Variants in DAB1 observed in about 807,000 individuals in gnomAD.
DAB1 encodes the protein disabled homolog 1.
A neutral mutation model predicts 64.6 loss-of-function variants in DAB1; 15 were observed. The ratio of observed to expected loss-of-function variants is 0.23; its 90% CI spans 0.16 to 0.36. The LOEUF is 0.36. DAB1 is among the 10% of genes least tolerant of loss of function. The pLI is 1.00. For synonymous variants in DAB1, 235 were observed against 251.9 expected (o/e 0.93, Z 0.64); for missense variants, 596 against 706.7 (o/e 0.84, Z 1.78).
At chr1:58,223,080 A>C (rs1659261035) in intron 4 of DAB1, among the ~76,000 whole-genome samples, 1 of 152,146 alleles carries the variant, frequency 6.6e-6, no homozygotes, top group South Asian at 2.1e-4. Context: ...TGAGATTGTG[A>C]TCTCTCCAAA....
intron 4 of DAB1, among the ~76,000 whole-genome samples, chr1:58,204,423 T>G (rs899904500): frequency 6.6e-6 from 1 of 152,330 alleles, no homozygotes; most frequent in African/African-American, 2.4e-5. Flanking sequence ...CAGTCCCTAC[T>G]GTGTTATGGC....
At position 57,551,730 on chromosome 1, in the gene DAB1, G is replaced by A. The variant is rs371427463; in HGVS notation, n.625+97862C>T. Reference sequence around the variant, plus strand: ...CATCTCAACTTAGACTGGAGCCTCCGGGAGTTTGCATAAGTGGTGTGAATC... The same window carrying A: ...CATCTCAACTTAGACTGGAGCCTCCAGGAGTTTGCATAAGTGGTGTGAATC... On this transcript the variant is annotated intron_variant and non_coding_transcript_variant, in intron 7 of 20. Coordinates refer to the DAB1 transcript ENST00000485760. Among the ~76,000 whole-genome samples the A allele has an allele frequency of 2.3e-4, 35 of 152,224 alleles. No homozygotes were observed. In the East Asian group the frequency reaches 5.6e-3, roughly 24 times the overall value.
chr1:58,484,888 G>A (rs1645547668), intron 3 of DAB1, among the ~76,000 whole-genome samples: 1 of 152,086 alleles, frequency 6.6e-6, no homozygotes, highest in Non-Finnish European at 1.5e-5. Flanking sequence ...ATCAGTGGTT[G>A]CCAGGGGCTA....
intron 6 of DAB1, among the ~76,000 whole-genome samples, chr1:57,713,051 C>G (rs749739015): frequency 6.6e-6 from 1 of 152,162 alleles, no homozygotes. Flanking sequence ...GGCCTCTAAT[C>G]TGCATTTCAT....
At chr1:58,184,514 G>A (rs1057166424) in intron 4 of DAB1, among the ~76,000 whole-genome samples, 8 of 152,016 alleles carry the variant, frequency 5.3e-5, no homozygotes, top group South Asian at 2.1e-4. Context: ...AAAAGTAAAC[G>A]TCTCTGCTCT....
chr1:58,425,937 T>C (rs761348820), intron 3 of DAB1, among the ~76,000 whole-genome samples: 5 of 151,700 alleles, frequency 3.3e-5, no homozygotes, highest in African/African-American at 7.3e-5. Context: ...GTCTGGGTGG[T>C]GGAAGGTAGG....
At chr1:57,977,187 G>A (rs918343783) in intron 5 of DAB1, among the ~76,000 whole-genome samples, 3 of 152,018 alleles carry the variant, frequency 2.0e-5, no homozygotes, top group Non-Finnish European at 2.9e-5. Context: ...ATTCTCCTGG[G>A]GCAACAAACC....
chr1:58,268,981 T>C (rs1443809097), intron 4 of DAB1, among the ~76,000 whole-genome samples: 1 of 150,238 alleles, frequency 6.7e-6, no homozygotes, highest in African/African-American at 2.5e-5. Flanking sequence ...AAATGATTTT[T>C]TTTTCCTTGG....
intron 5 of DAB1, among the ~76,000 whole-genome samples, chr1:58,106,145 T>TTTTC (rs139743356): frequency 1.3e-3 from 193 of 151,760 alleles, no homozygotes; most frequent in Non-Finnish European, 2.4e-3. Context: ...TCTTTCTTTC[T>TTTTC]TTTCTTTCTT....
intron 3 of DAB1, among the ~76,000 whole-genome samples, chr1:58,363,350 G>A (rs186527073): frequency 6.6e-6 from 1 of 152,266 alleles, no homozygotes; most frequent in Admixed American, 6.5e-5. Flanking sequence ...ATGACCCACT[G>A]GCAGATTTTA....
At chr1:57,021,556 A>C (rs1488887102) in intron 11 of DAB1, among the ~76,000 whole-genome samples, 2 of 152,170 alleles carry the variant, frequency 1.3e-5, no homozygotes, top group African/African-American at 4.8e-5. Context: ...CATGTAAGAC[A>C]TTCCTTTGCT....
chr1:57,144,994 A>T (rs1658976582), intron 3 of DAB1, among the ~76,000 whole-genome samples: 1 of 152,196 alleles, frequency 6.6e-6, no homozygotes, highest in Admixed American at 6.5e-5. Flanking sequence ...ACAATTTGAT[A>T]ATTTTTTGCT....
chr1:57,025,996 A>T lies in DAB1; in HGVS notation c.771T>A (p.Asp257Glu). 2 of 1,588,560 alleles carry T rather than the reference A, an allele frequency of 1.3e-6. No individual in the cohort carries two copies. Among genetic ancestry groups the T allele is most frequent in the Non-Finnish European group, 1.7e-6 (2 of 1,169,616 alleles). ...ELFGDMSTPP[D>E]ITSPPTPATP... The stretch of plus-strand genomic sequence containing the variant: ...GCATACTTACGGGGGGAGAGGTTAT[A>T]TCAGGGGGTGTGGACATGTCCCCAA... The change falls in exon 10 of 15, where the codon GAT becomes GAA. Residue 257 changes from aspartate to glutamate, a missense_variant. Transcript: ENST00000371236.
At chr1:58,158,543 C>T (rs1655340250) in intron 4 of DAB1, among the ~76,000 whole-genome samples, 1 of 152,080 alleles carries the variant, frequency 6.6e-6, no homozygotes, top group African/African-American at 2.4e-5. Context: ...CATCCATCAC[C>T]AGGGGAAGAA....
intron 5 of DAB1, among the ~76,000 whole-genome samples, chr1:57,964,569 A>G (rs977882663): frequency 1.3e-5 from 2 of 152,220 alleles, no homozygotes; most frequent in Non-Finnish European, 2.9e-5. Flanking sequence ...AGTGTCTATA[A>G]TGTGAGGCAC....
chr1:58,302,052 TAGAG>T (rs1338124177), intron 4 of DAB1, among the ~76,000 whole-genome samples: 1 of 152,098 alleles, frequency 6.6e-6, no homozygotes, highest in Non-Finnish European at 1.5e-5. Context: ...AGCTTAATGA[TAGAG>T]AAATTGTGGG....
In DAB1 at chr1:58,326,246, T is replaced by C. The variant is rs541765816; in HGVS notation, n.309+17106A>G. Among the ~76,000 whole-genome samples the C allele has an allele frequency of 2.0e-5, 3 of 152,362 alleles. No individual in the cohort carries two copies. The South Asian group carries it at 6.2e-4, about 32-fold the overall frequency. The stretch of plus-strand genomic sequence containing the variant: ...TTAGGCAAGAACTTCAGATTCAAGA[T>C]GCTCTCTTTCAGATTGCGATTTTTA... On this transcript the variant is annotated intron_variant and non_coding_transcript_variant, in intron 4 of 20. Coordinates refer to the DAB1 transcript ENST00000485760.
At chr1:57,601,249 C>A (rs899717005) in intron 7 of DAB1, among the ~76,000 whole-genome samples, 2 of 152,238 alleles carry the variant, frequency 1.3e-5, no homozygotes, top group Middle Eastern at 3.4e-3. Context: ...AGCATTTACA[C>A]TTCTGAAATT....
intron 1 of DAB1, among the ~76,000 whole-genome samples, chr1:57,333,365 ATCC>A (rs1676833575): frequency 6.6e-6 from 1 of 152,246 alleles, no homozygotes; most frequent in African/African-American, 2.4e-5. Context: ...GTTTCTCAGC[ATCC>A]TCATCTCCGA....
Sources: gnomAD v4.1 joint callset for allele counts (sites outside exome capture counted in the v4.1 genomes callset) on GRCh38, gnomAD v4.1.1 for gene constraint, MANE v1.5 for transcripts, NCBI Gene and HGNC (gene_info 2026-07-23, HGNC 2026-07-21) for gene names.